The following RBFOX1 variants were observed in gnomAD, a reference collection of about 807,000 sequenced individuals.
RBFOX1 encodes the protein RNA binding fox-1 homolog 1, also known as RNA binding protein fox-1 homolog 1.
In RBFOX1, 8 loss-of-function variants were observed where a neutral mutation model predicts 57.7. That is an observed-to-expected ratio of 0.14 (90% confidence interval 0.08 to 0.25). RBFOX1 has a LOEUF of 0.25. Among genes scored for constraint, RBFOX1 ranks in the 10% least tolerant of loss-of-function variants. The pLI is 1.00. For missense variants in RBFOX1, 611 were observed against 548.5 expected (o/e 1.11, Z -1.14); for synonymous variants, 326 against 222.4 (o/e 1.47, Z -4.15).
intron 10 of RBFOX1, among the ~76,000 whole-genome samples, chr16:7,621,748 TGA>T (rs1188189210): frequency 1.3e-5 from 2 of 152,232 alleles, no homozygotes; most frequent in Non-Finnish European, 2.9e-5. Flanking sequence ...AATGGTGTAC[TGA>T]GAGACAGTTA....
chr16:6,240,603 C>G (rs181163901), intron 1 of RBFOX1, among the ~76,000 whole-genome samples: 2 of 152,128 alleles, frequency 1.3e-5, no homozygotes, highest in African/African-American at 4.8e-5. Context: ...ACCCCAGGCC[C>G]TTTCCCAATA....
intron 4 of RBFOX1, among the ~76,000 whole-genome samples, chr16:5,907,814 G>A (rs2058499041): frequency 6.6e-6 from 1 of 151,770 alleles, no homozygotes; most frequent in African/African-American, 2.4e-5. Context: ...GTAGTGGTAT[G>A]ATCTCAGCTC....
At chr16:6,861,878 C>G (rs1004670621) in intron 3 of RBFOX1, among the ~76,000 whole-genome samples, 5 of 134,778 alleles carry the variant, frequency 3.7e-5, no homozygotes, top group Non-Finnish European at 7.6e-5. Flanking sequence ...CACTTTCTCC[C>G]TGCCCAGAAA....
intron 4 of RBFOX1, among the ~76,000 whole-genome samples, chr16:7,160,029 T>G (rs1048234021): frequency 1.3e-5 from 2 of 152,186 alleles, no homozygotes; most frequent in African/African-American, 4.8e-5. Context: ...AAGCATTATC[T>G]GTGCAACTGT....
intron 2 of RBFOX1, among the ~76,000 whole-genome samples, chr16:6,578,241 G>C (rs1252941271): frequency 6.6e-6 from 1 of 152,158 alleles, no homozygotes; most frequent in Non-Finnish European, 1.5e-5. Flanking sequence ...ACTTTTGCAA[G>C]TCATCACAAA....
intron 1 of RBFOX1, among the ~76,000 whole-genome samples, chr16:6,263,556 G>T (rs2097714754): frequency 6.6e-6 from 1 of 152,126 alleles, no homozygotes; most frequent in Non-Finnish European, 1.5e-5. Context: ...CATTCTGACA[G>T]ATGTGGCATA....
intron 2 of RBFOX1, among the ~76,000 whole-genome samples, chr16:6,602,182 G>T (rs1347751760): frequency 2.0e-5 from 3 of 151,846 alleles, no homozygotes; most frequent in Non-Finnish European, 2.9e-5. Flanking sequence ...TGTTGCTGCT[G>T]TTGAATTTTA....
chr16:6,878,761 C>T (rs1330489462), intron 3 of RBFOX1, among the ~76,000 whole-genome samples: 1 of 152,116 alleles, frequency 6.6e-6, no homozygotes, highest in Non-Finnish European at 1.5e-5. Context: ...TTTAAGGACC[C>T]TGACAATCTG....
chr16:6,912,066 C>T (rs1053395197), intron 3 of RBFOX1, among the ~76,000 whole-genome samples: 8 of 152,152 alleles, frequency 5.3e-5, no homozygotes, highest in African/African-American at 1.7e-4. Context: ...AGTTTTCTTC[C>T]TGTGAATAAA....
chr16:6,220,586 C>T (rs932501594), intron 1 of RBFOX1, among the ~76,000 whole-genome samples: 3 of 152,254 alleles, frequency 2.0e-5, no homozygotes, highest in Non-Finnish European at 2.9e-5. Flanking sequence ...AGTGAAATTT[C>T]TGAAAAGCCT....
chr16:6,937,598 A>G (rs2077596219), intron 3 of RBFOX1, among the ~76,000 whole-genome samples: 1 of 152,074 alleles, frequency 6.6e-6, no homozygotes, highest in Non-Finnish European at 1.5e-5. Flanking sequence ...GCATTAATCA[A>G]ATACATGTGA....
intron 4 of RBFOX1, among the ~76,000 whole-genome samples, chr16:7,381,727 C>T (rs1215585463): frequency 6.6e-6 from 1 of 152,206 alleles, no homozygotes; most frequent in Non-Finnish European, 1.5e-5. Context: ...AGTGGGCACA[C>T]TTTCCCTTAA....
intron 4 of RBFOX1, among the ~76,000 whole-genome samples, chr16:7,340,925 A>G (rs1280285616): frequency 1.3e-5 from 2 of 152,170 alleles, no homozygotes; most frequent in Non-Finnish European, 2.9e-5. Flanking sequence ...ATCAGCAACT[A>G]TGCTTTTTAT....
intron 2 of RBFOX1, among the ~76,000 whole-genome samples, chr16:6,504,891 T>C (rs1285696917): frequency 2.4e-5 from 3 of 125,284 alleles, no homozygotes; most frequent in African/African-American, 8.0e-5. Flanking sequence ...CTGTCTCTAC[T>C]AAAATTACAA....
At chr16:7,146,470 A>G (rs1201389361) in intron 4 of RBFOX1, among the ~76,000 whole-genome samples, 2 of 152,200 alleles carry the variant, frequency 1.3e-5, no homozygotes, top group African/African-American at 4.8e-5. Context: ...GTGACGATGA[A>G]CAAAGGTGGT....
At chr16:6,349,706 C>T (rs1408800885) in intron 2 of RBFOX1, among the ~76,000 whole-genome samples, 1 of 152,148 alleles carries the variant, frequency 6.6e-6, no homozygotes, top group Admixed American at 6.6e-5. Context: ...AATAGAAAAT[C>T]ATGGCATTTC....
intron 1 of RBFOX1, among the ~76,000 whole-genome samples, chr16:6,188,633 T>C (rs1360853848): frequency 6.6e-6 from 1 of 152,166 alleles, no homozygotes; most frequent in Non-Finnish European, 1.5e-5. Context: ...CAGAGAGCTG[T>C]CAACTTCAGG....
At chr16:5,542,194 C>A (rs1013093865) in intron 2 of RBFOX1, among the ~76,000 whole-genome samples, 3 of 151,580 alleles carry the variant, frequency 2.0e-5, no homozygotes, top group Non-Finnish European at 4.4e-5. Context: ...CCCTTCTATG[C>A]GCACTCAAGA....
chr16:6,477,393 C>T (rs56292889), intron 2 of RBFOX1, among the ~76,000 whole-genome samples: 9,292 of 152,246 alleles, frequency 0.061, 410 homozygotes, highest in Middle Eastern at 0.095. Context: ...TTAACAGGCA[C>T]GAACAGAACA....
Sources: allele counts gnomAD v4.1 joint callset (sites outside exome capture counted in the v4.1 genomes callset), GRCh38; gene constraint gnomAD v4.1.1; transcripts MANE v1.5; gene names NCBI Gene and HGNC (gene_info 2026-07-23, HGNC 2026-07-21).